Variants in KRTAP27-1 observed in about 807,000 individuals in gnomAD.
KRTAP27-1 encodes keratin associated protein 27-1.
A neutral mutation model predicts 0.5 loss-of-function variants in KRTAP27-1; 1 was observed. That is an observed-to-expected ratio of 1.90 (90% CI 0.68 to 9.03). KRTAP27-1 has a LOEUF of 9.03. Among genes scored for constraint, KRTAP27-1 ranks in the 30% most tolerant of loss-of-function variants. The pLI, the probability that KRTAP27-1 is intolerant of heterozygous loss-of-function variation, is 0.13. For missense variants in KRTAP27-1, 264 were observed against 244.2 expected (o/e 1.08, Z -0.54); for synonymous variants, 103 against 88.9 (o/e 1.16, Z -0.89).
At position 30,337,245 on chromosome 21, in the gene KRTAP27-1, G is replaced by A; in HGVS notation, c.424C>T (p.Pro142Ser). ...QPASLKGNSC[P>S]PKTSKSKNFE... ...TTTTTAGACTTAGAAGTCTTGGGTGGGCAACTGTTTCCCTTGAGGCTTGCA... is the reference window on the plus strand; with the variant it reads ...TTTTTAGACTTAGAAGTCTTGGGTGAGCAACTGTTTCCCTTGAGGCTTGCA... Residue 142 changes from proline to serine, a missense_variant, in exon 1 of 1, where the codon CCA becomes TCA. Coordinates refer to ENST00000382835, the MANE Select transcript of KRTAP27-1 (RefSeq NM_001077711.1). 6.2e-7 allele frequency: 1 copy of A among 1,614,124 alleles called. No individual in the cohort carries two copies. The highest frequency in any genetic ancestry group is 8.5e-7 in the Non-Finnish European group (1 of 1,179,966).
rs748489847 is a variant in KRTAP27-1, at chr21:30,337,366, T to C, written c.303A>G (p.Gln101=). The C allele has an allele frequency of 5.6e-6, 9 of 1,614,042 alleles. No homozygotes were observed. The South Asian group carries it at 6.6e-5, about 12-fold the overall frequency. The part of the protein sequence containing the change: ...NSRPCERTAC[Q]SESSSAGLAC... Reference sequence around the variant, plus strand: ...CCAGCCCTGCTGAAGAACTTTCTGATTGGCACGCTGTCCTTTCGCAGGGCC... The same window carrying C: ...CCAGCCCTGCTGAAGAACTTTCTGACTGGCACGCTGTCCTTTCGCAGGGCC... The change falls in exon 1 of 1, where the codon CAA becomes CAG. Residue 101 remains glutamine (Q), a synonymous_variant. Coordinates refer to ENST00000382835, the MANE Select transcript of KRTAP27-1 (RefSeq NM_001077711.1).
In KRTAP27-1 at chr21:30,337,357, A is replaced by C; in HGVS notation, c.312T>G (p.Ser104Arg). Residue 104 changes from serine (S) to arginine (R), a missense_variant, in exon 1 of 1, where the codon AGT (serine) becomes AGG (arginine). Transcript: ENST00000382835. ...PCERTACQSE[S>R]SSAGLACVSQ... ...AAACACAAGCCAGCCCTGCTGAAGAACTTTCTGATTGGCACGCTGTCCTTT... is the reference window on the plus strand; with the variant it reads ...AAACACAAGCCAGCCCTGCTGAAGACCTTTCTGATTGGCACGCTGTCCTTT... The C allele has an allele frequency of 6.2e-7, 1 of 1,614,042 alleles. No individual in the cohort carries two copies. Among genetic ancestry groups the C allele is most frequent in the Non-Finnish European group, 8.5e-7 (1 of 1,179,886 alleles).
Position 30,337,125 on chromosome 21 carries a change from C to T in KRTAP27-1, c.544G>A (p.Glu182Lys), listed in dbSNP as rs535512831. The change falls in exon 1 of 1, where the codon GAG becomes AAG. Residue 182 changes from glutamate (E) to lysine (K), a missense_variant. Glu to Lys is a moderately conservative substitution (Grantham distance 56, BLOSUM62 1). Transcript: ENST00000382835. ...SCRPLVNVAP[E>K]PQLLESSPGV... ...GGAGAAGATTCCAGGAGTTGTGGCT[C>T]AGGTGCAACATTGACCAGAGGTCTA... 2.5e-6 allele frequency: 4 copies of T among 1,613,952 alleles called. No homozygotes were observed. The highest frequency in any genetic ancestry group is 3.4e-6 in the Non-Finnish European group (4 of 1,179,946).
At position 30,337,633 on chromosome 21, in the gene KRTAP27-1, G is replaced by C. The variant is rs773202808; in HGVS notation, c.36C>G (p.Phe12Leu). 1.2e-6 allele frequency: 2 copies of C among 1,613,828 alleles called. No homozygotes were observed. Among genetic ancestry groups the C allele is most frequent in the East Asian group, 4.5e-5 (2 of 44,860 alleles). The change falls in exon 1 of 1, where the codon TTC becomes TTG. Residue 12 changes from phenylalanine (F) to leucine (L), a missense_variant. Physicochemically the swap from Phe to Leu is conservative, Grantham distance 22 (BLOSUM62 0). Transcript: ENST00000382835. Reference sequence around the variant, plus strand: ...TGGCAGAGAGTGGTGGGGCATTGTGGAAGCTCCTGAGTGAATGGCAGTGGC... The same window carrying C: ...TGGCAGAGAGTGGTGGGGCATTGTGCAAGCTCCTGAGTGAATGGCAGTGGC... ...PHSHCHSLRS[F>L]HNAPPLSAIT...
Position 30,337,446 on chromosome 21 carries a change from A to C in KRTAP27-1, c.223T>G (p.Cys75Gly), listed in dbSNP as rs778207990. 6.2e-7 allele frequency: 1 copy of C among 1,614,180 alleles called. No individual in the cohort carries two copies. The highest frequency in any genetic ancestry group is 1.1e-5 in the South Asian group (1 of 91,080). The stretch of plus-strand genomic sequence containing the variant: ...CCGGGGAAGCAGTTACTTTGCACAC[A>C]GCTATCGTCTGTGAATAAGTCCTGT... ...CEQDLFTDDS[C>G]VQSNCFPGVV... is the part of the protein sequence containing the mutation. Residue 75 changes from cysteine to glycine, a missense_variant, in exon 1 of 1, where the codon TGT becomes GGT. Cys to Gly is a radical substitution (Grantham distance 159). Coordinates refer to ENST00000382835, the MANE Select transcript of KRTAP27-1 (RefSeq NM_001077711.1).
In KRTAP27-1 at chr21:30,337,477, A is replaced by G. The variant is rs775630268; in HGVS notation, c.192T>C (p.Asn64=). The change falls in exon 1 of 1, where the codon AAT becomes AAC. Residue 64 remains asparagine, a synonymous_variant. Coordinates refer to ENST00000382835, the MANE Select transcript of KRTAP27-1 (RefSeq NM_001077711.1). ...CGTCTGTGAATAAGTCCTGTTCACA[A>G]TTGGTCATTTGGCAGCTGGTGGTTT... ...CNETTSCQMT[N]CEQDLFTDDS... is the part of the protein sequence containing the mutation. 6.2e-7 allele frequency: 1 copy of G among 1,614,224 alleles called. No individual in the cohort carries two copies. Among genetic ancestry groups the G allele is most frequent in the South Asian group, 1.1e-5 (1 of 91,086 alleles).
In KRTAP27-1 at chr21:30,337,324, A is replaced by G; in HGVS notation, c.345T>C (p.Pro115=). ...SSAGLACVSQ[P]CQSESTQQMG... ...TCTGCTGAGTGCTTTCTGATTGGCA[A>G]GGCTGAGAAACACAAGCCAGCCCTG... The change falls in exon 1 of 1, where the codon CCT becomes CCC. Residue 115 remains proline (P), a synonymous_variant. Coordinates refer to ENST00000382835, the MANE Select transcript of KRTAP27-1 (RefSeq NM_001077711.1). 1 of 1,614,192 alleles carries G rather than the reference A, an allele frequency of 6.2e-7. No individual in the cohort carries two copies. The highest frequency in any genetic ancestry group is 8.5e-7 in the Non-Finnish European group (1 of 1,180,028).
At position 30,337,510 on chromosome 21, in the gene KRTAP27-1, G is replaced by C; in HGVS notation, c.159C>G (p.Thr53=). The C allele has an allele frequency of 6.2e-7, 1 of 1,614,186 alleles. No homozygotes were observed. Residue 53 remains threonine, a synonymous_variant, in exon 1 of 1, where the codon ACC becomes ACG. Coordinates refer to ENST00000382835, the MANE Select transcript of KRTAP27-1 (RefSeq NM_001077711.1). Reference sequence around the variant, plus strand: ...TTTGGCAGCTGGTGGTTTCATTGCAGGTTTCTTGAAAGTTGTCCAGGAAAC... The same window carrying C: ...TTTGGCAGCTGGTGGTTTCATTGCACGTTTCTTGAAAGTTGTCCAGGAAAC... The part of the protein sequence containing the change: ...RTCFLDNFQE[T]CNETTSCQMT...
rs1982060100 is a variant in KRTAP27-1 at position 30,337,367 on chromosome 21, T to G, written c.302A>C (p.Gln101Pro). ...NSRPCERTAC[Q>P]SESSSAGLAC... ...CAGCCCTGCTGAAGAACTTTCTGAT[T>G]GGCACGCTGTCCTTTCGCAGGGCCT... is the stretch of plus-strand genomic sequence containing the variant. The change falls in exon 1 of 1, where the codon CAA (glutamine) becomes CCA (proline). Residue 101 changes from glutamine to proline, a missense_variant. Transcript: ENST00000382835. 1 of 1,614,070 alleles carries G rather than the reference T, an allele frequency of 6.2e-7. No individual in the cohort carries two copies.
chr21:30,337,280 C>T lies in KRTAP27-1; in HGVS notation c.389G>A (p.Ser130Asn), dbSNP rs1198312087. 5.6e-6 allele frequency: 9 copies of T among 1,614,032 alleles called. No individual in the cohort carries two copies. Among genetic ancestry groups the T allele is most frequent in the Non-Finnish European group, 7.6e-6 (9 of 1,179,964 alleles). The change falls in exon 1 of 1, where the codon AGC becomes AAC. Residue 130 changes from serine (S) to asparagine (N), a missense_variant. Ser to Asn is a conservative substitution (Grantham distance 46). Coordinates refer to ENST00000382835, the MANE Select transcript of KRTAP27-1 (RefSeq NM_001077711.1). The part of the protein sequence containing the change: ...STQQMGFVAQ[S>N]CQPASLKGNS... ...TCCCTTGAGGCTTGCAGGTTGGCAGCTCTGGGCTACAAAACCCATCTGCTG... is the reference window on the plus strand; with the variant it reads ...TCCCTTGAGGCTTGCAGGTTGGCAGTTCTGGGCTACAAAACCCATCTGCTG...
At position 30,337,655 on chromosome 21, in the gene KRTAP27-1, T is replaced by G; in HGVS notation, c.14A>C (p.His5Pro). The G allele has an allele frequency of 6.2e-7, 1 of 1,612,526 alleles. No homozygotes were observed. Among genetic ancestry groups the G allele is most frequent in the Non-Finnish European group, 8.5e-7 (1 of 1,178,644 alleles). Residue 5 changes from histidine (H) to proline (P), a missense_variant, in exon 1 of 1, where the codon CAC (histidine) becomes CCC (proline). By Grantham distance (77) the His-to-Pro change is moderately conservative (BLOSUM62 -2). Transcript: ENST00000382835. MPHS[H>P]CHSLRSFHNA... is the part of the protein sequence containing the mutation. ...GTGGAAGCTCCTGAGTGAATGGCAG[T>G]GGCTATGAGGCATATTGCTAAAAAT...
Position 30,337,255 on chromosome 21 carries a change from T to C in KRTAP27-1, c.414A>G (p.Gly138=), listed in dbSNP as rs573566969. ...TAGAAGTCTTGGGTGGGCAACTGTT[T>C]CCCTTGAGGCTTGCAGGTTGGCAGC... ...AQSCQPASLK[G]NSCPPKTSKS... is the part of the protein sequence containing the mutation. Residue 138 remains glycine, a synonymous_variant, in exon 1 of 1, where the codon GGA becomes GGG. Coordinates refer to ENST00000382835, the MANE Select transcript of KRTAP27-1 (RefSeq NM_001077711.1). The C allele has an allele frequency of 1.2e-6, 2 of 1,614,154 alleles. No individual in the cohort carries two copies. Among genetic ancestry groups the C allele is most frequent in the African/African-American group, 2.7e-5 (2 of 75,046 alleles).
rs772343744 is a variant in KRTAP27-1, at chr21:30,337,577, T to C, written c.92A>G (p.Glu31Gly). The part of the protein sequence containing the change: ...ITHGTNPITF[E>G]DRLCLPSSFH... ...GCTGCTGGGCAAACACAATCTGTCT[T>C]CAAAGGTTATAGGATTAGTGCCATG... Residue 31 changes from glutamate (E) to glycine (G), a missense_variant, in exon 1 of 1, where the codon GAA becomes GGA. Physicochemically the swap from Glu to Gly is moderately conservative, Grantham distance 98. Transcript: ENST00000382835. The C allele has an allele frequency of 6.2e-7, 1 of 1,614,128 alleles. No individual in the cohort carries two copies. The highest frequency in any genetic ancestry group is 1.3e-5 in the African/African-American group (1 of 75,012).
At position 30,337,410 on chromosome 21, in the gene KRTAP27-1, T is replaced by C; in HGVS notation, c.259A>G (p.Thr87Ala). The C allele has an allele frequency of 6.2e-7, 1 of 1,614,088 alleles. No individual in the cohort carries two copies. Among genetic ancestry groups the C allele is most frequent in the Non-Finnish European group, 8.5e-7 (1 of 1,179,952 alleles). ...QSNCFPGVVQTTYSNSRPCER... is the reference protein window; with the variant it reads ...QSNCFPGVVQATYSNSRPCER... The stretch of plus-strand genomic sequence containing the variant: ...CAGGGCCTGGAATTGGAGTAAGTAG[T>C]TTGGACAACTCCGGGGAAGCAGTTA... The change falls in exon 1 of 1, where the codon ACT (threonine) becomes GCT (alanine). Residue 87 changes from threonine to alanine, a missense_variant. Thr to Ala is a moderately conservative substitution (Grantham distance 58). Transcript: ENST00000382835.
rs781331609 is a variant in KRTAP27-1, at chr21:30,337,167, G to C, written c.502C>G (p.Pro168Ala). ...SSQCQCQSQN[P>A]ESSSCRPLVN... ...AGAGGTCTACAGGAACTGGATTCAGGGTTCTGAGACTGACACTGACATTGG... is the reference window on the plus strand; with the variant it reads ...AGAGGTCTACAGGAACTGGATTCAGCGTTCTGAGACTGACACTGACATTGG... Residue 168 changes from proline (P) to alanine (A), a missense_variant, in exon 1 of 1, where the codon CCT becomes GCT. By Grantham distance (27) the Pro-to-Ala change is conservative. Transcript: ENST00000382835. 2 of 1,613,994 alleles carry C rather than the reference G, an allele frequency of 1.2e-6. No homozygotes were observed. Among genetic ancestry groups the C allele is most frequent in the Non-Finnish European group, 1.7e-6 (2 of 1,180,020 alleles).
rs2244485 is a variant in KRTAP27-1, at chr21:30,337,373, G to A, written c.296C>T (p.Ala99Val). The stretch of plus-strand genomic sequence containing the variant: ...TGCTGAAGAACTTTCTGATTGGCAC[G>A]CTGTCCTTTCGCAGGGCCTGGAATT... ...YSNSRPCERT[A>V]CQSESSSAGL... is the part of the protein sequence containing the mutation. Residue 99 changes from alanine to valine, a missense_variant, in exon 1 of 1, where the codon GCG becomes GTG. Physicochemically the swap from Ala to Val is moderately conservative, Grantham distance 64 (BLOSUM62 0). Transcript: ENST00000382835. 0.45 allele frequency: 726,700 copies of A among 1,613,948 alleles called. 169,414 individuals are homozygous for A. Among genetic ancestry groups the A allele is most frequent in the Non-Finnish European group, 0.49 (573,355 of 1,179,934 alleles).
rs1982066765 is a variant in KRTAP27-1 at position 30,337,537 on chromosome 21, G to C, written c.132C>G (p.Thr44=). The change falls in exon 1 of 1, where the codon ACC becomes ACG. Residue 44 remains threonine (T), a synonymous_variant. Coordinates refer to ENST00000382835, the MANE Select transcript of KRTAP27-1 (RefSeq NM_001077711.1). ...LCLPSSFHSR[T]CFLDNFQETC... The stretch of plus-strand genomic sequence containing the variant: ...TTTCTTGAAAGTTGTCCAGGAAACA[G>C]GTTCTGCTATGGAAGCTGCTGGGCA... 1 of 1,614,206 alleles carries C rather than the reference G, an allele frequency of 6.2e-7. No individual in the cohort carries two copies. Among genetic ancestry groups the C allele is most frequent in the Non-Finnish European group, 8.5e-7 (1 of 1,180,034 alleles).
chr21:30,337,278 A>G lies in KRTAP27-1; in HGVS notation c.391T>C (p.Cys131Arg), dbSNP rs1982057106. Residue 131 changes from cysteine to arginine, a missense_variant, in exon 1 of 1, where the codon TGC becomes CGC. Cys to Arg is a radical substitution (Grantham distance 180). Transcript: ENST00000382835. The part of the protein sequence containing the change: ...TQQMGFVAQS[C>R]QPASLKGNSC... ...TTTCCCTTGAGGCTTGCAGGTTGGC[A>G]GCTCTGGGCTACAAAACCCATCTGC... is the stretch of plus-strand genomic sequence containing the variant. 1 of 1,614,040 alleles carries G rather than the reference A, an allele frequency of 6.2e-7. No individual in the cohort carries two copies. The highest frequency in any genetic ancestry group is 1.3e-5 in the African/African-American group (1 of 74,938).
chr21:30,337,277 C>G lies in KRTAP27-1; in HGVS notation c.392G>C (p.Cys131Ser), dbSNP rs1312939795. 6.2e-7 allele frequency: 1 copy of G among 1,614,014 alleles called. No homozygotes were observed. Among genetic ancestry groups the G allele is most frequent in the African/African-American group, 1.3e-5 (1 of 74,926 alleles). Residue 131 changes from cysteine (C) to serine (S), a missense_variant, in exon 1 of 1, where the codon TGC (cysteine) becomes TCC (serine). Coordinates refer to ENST00000382835, the MANE Select transcript of KRTAP27-1 (RefSeq NM_001077711.1). ...GTTTCCCTTGAGGCTTGCAGGTTGG[C>G]AGCTCTGGGCTACAAAACCCATCTG... ...TQQMGFVAQS[C>S]QPASLKGNSC...
Sources: allele counts gnomAD v4.1 joint callset, GRCh38; gene constraint gnomAD v4.1.1; transcripts MANE v1.5; gene names NCBI Gene and HGNC (gene_info 2026-07-23, HGNC 2026-07-21).